The following UBOX5 variants were observed in gnomAD, a reference collection of about 807,000 sequenced individuals.
UBOX5 encodes RING finger protein 37.
UBOX5 carries 28 observed loss-of-function variants against 39.0 expected under a neutral mutation model. That is an observed-to-expected ratio of 0.72 (90% confidence interval 0.53 to 0.98). The LOEUF is 0.98. Ranked by LOEUF, UBOX5 falls within the 50% of genes least tolerant of loss-of-function variation. The pLI, the probability that UBOX5 is intolerant of heterozygous loss-of-function variation, is 0.00. For synonymous variants in UBOX5, 283 were observed against 275.5 expected (o/e 1.03, Z -0.27); for missense variants, 585 against 674.4 (o/e 0.87, Z 1.47).
intron 1 of UBOX5, chr20:3,147,739 T>C: frequency 6.2e-7 from 1 of 1,614,222 alleles, no homozygotes; most frequent in South Asian, 1.1e-5. Flanking sequence ...CTGCATTGGG[T>C]GGCTTATAAT....
At chr20:3,141,830 T>C (rs1386694136) in intron 1 of UBOX5, among the ~76,000 whole-genome samples, 5 of 151,826 alleles carry the variant, frequency 3.3e-5, no homozygotes, top group Admixed American at 6.6e-5. Flanking sequence ...CTTGGCAACA[T>C]AGAAAGACTC....
rs1002746966 is a variant in UBOX5 at position 3,149,019 on chromosome 20, T to G, written c.-42+10747A>C. The G allele has an allele frequency of 1.9e-6, 3 of 1,613,804 alleles. No homozygotes were observed. The highest frequency in any genetic ancestry group is 2.5e-6 in the Non-Finnish European group (3 of 1,179,946). On this transcript the variant is annotated intron_variant, in intron 1 of 4. Coordinates refer to ENST00000217173, the MANE Select transcript of UBOX5 (RefSeq NM_014948.4). The surrounding 1 kb of genome is among the most constrained non-coding windows in gnomAD (Gnocchi z 4.1). ...CGGACTGCACCAAAGGCAGAAGGACTGCAAAATGCTCGGTATCTTACAAGT... is the reference window on the plus strand; with the variant it reads ...CGGACTGCACCAAAGGCAGAAGGACGGCAAAATGCTCGGTATCTTACAAGT...
intron 1 of UBOX5, among the ~76,000 whole-genome samples, chr20:3,139,287 GC>G (rs1452295470): frequency 6.6e-6 from 1 of 152,166 alleles, no homozygotes; most frequent in Admixed American, 6.5e-5. Context: ...CCCCAAAGAA[GC>G]CTGCAGTTTT....
At chr20:3,132,456 ACTC>A (rs2066437023) in intron 1 of UBOX5, among the ~76,000 whole-genome samples, 2 of 152,158 alleles carry the variant, frequency 1.3e-5, no homozygotes, top group African/African-American at 2.4e-5. Flanking sequence ...CATTAATAAT[ACTC>A]AATTTTTAGG....
intron 1 of UBOX5, chr20:3,136,027 T>A (rs2066469160): frequency 6.6e-6 from 1 of 152,168 alleles, no homozygotes; most frequent in Non-Finnish European, 1.5e-5. Context: ...TCTGAACCAC[T>A]TAGAGGCAAT....
intron 1 of UBOX5, among the ~76,000 whole-genome samples, chr20:3,153,420 T>C (rs758594194): frequency 1.3e-5 from 2 of 152,236 alleles, no homozygotes; most frequent in Middle Eastern, 3.2e-3. Context: ...ATAACATCTC[T>C]GTAATGTAAG....
Position 3,142,787 on chromosome 20 carries a change from A to G in UBOX5, c.-42+16979T>C, listed in dbSNP as rs527372667. ...AACTCTGTCTCAAAAAAAAAAAAAAAAAAAAGAAAAGTATGTGTATATACC... is the reference window on the plus strand; with the variant it reads ...AACTCTGTCTCAAAAAAAAAAAAAAGAAAAAGAAAAGTATGTGTATATACC... On this transcript the variant is annotated intron_variant, in intron 1 of 4. Coordinates refer to ENST00000217173, the MANE Select transcript of UBOX5 (RefSeq NM_014948.4). Among the ~76,000 whole-genome samples the G allele has an allele frequency of 4.7e-3, 706 of 150,862 alleles. 2 individuals carry two copies. Among genetic ancestry groups the G allele is most frequent in the Non-Finnish European group, 7.2e-3 (489 of 67,648 alleles).
intron 2 of UBOX5, among the ~76,000 whole-genome samples, chr20:3,122,804 CTGGGCATGT>C (rs564751998): frequency 1.6e-3 from 238 of 152,202 alleles, no homozygotes; most frequent in African/African-American, 5.5e-3. Flanking sequence ...AGCAACTGAG[CTGGGCATGT>C]TGGTACACAC....
At chr20:3,110,456 A>G (rs957401854) in intron 4 of UBOX5, 142 bp from the exon 5 acceptor site, 5 of 962,258 alleles carry the variant, frequency 5.2e-6, no homozygotes, top group Non-Finnish European at 6.3e-6. Flanking sequence ...CTGATCAGGT[A>G]GGGGAGTGGA....
At chr20:3,110,475 A>G (rs2066245211) in intron 4 of UBOX5, 161 bp from the exon 5 acceptor site, 2 of 770,240 alleles carry the variant, frequency 2.6e-6, no homozygotes, top group Non-Finnish European at 4.2e-6. Flanking sequence ...GAAGCGGGAG[A>G]GGGAGCCTGG....
At chr20:3,154,192 A>C (rs2066661393) in intron 1 of UBOX5, among the ~76,000 whole-genome samples, 1 of 152,226 alleles carries the variant, frequency 6.6e-6, no homozygotes, top group Admixed American at 6.5e-5. Flanking sequence ...AGATCCCAGG[A>C]CAAGAGCTGT....
intron 4 of UBOX5, among the ~76,000 whole-genome samples, chr20:3,112,490 C>T (rs894268622): frequency 6.6e-6 from 1 of 150,520 alleles, no homozygotes; most frequent in Non-Finnish European, 1.5e-5. Context: ...AGGATGGAAA[C>T]CCAAGTATAT....
chr20:3,141,342 A>G (rs952828628), intron 1 of UBOX5, among the ~76,000 whole-genome samples: 2 of 152,170 alleles, frequency 1.3e-5, no homozygotes, highest in African/African-American at 4.8e-5. Flanking sequence ...CAATCAGCAA[A>G]CTAGGAATAA....
intron 1 of UBOX5, among the ~76,000 whole-genome samples, chr20:3,155,586 T>C (rs977336508): frequency 6.6e-6 from 1 of 152,094 alleles, no homozygotes; most frequent in Admixed American, 6.5e-5. Context: ...CAAGCTCTAC[T>C]GAACTATTTG....
rs758986455 is a variant in UBOX5 at position 3,121,357 on chromosome 20, G to A, written c.1255+27C>T. ...TCCTGGGAAGGAGATGGATGAGCCT[G>A]GCTGCGGACACAGGATGCTGAATTA... On this transcript the variant is annotated intron_variant, in intron 3 of 4. Coordinates refer to ENST00000217173, the MANE Select transcript of UBOX5 (RefSeq NM_014948.4). 6.9e-6 allele frequency: 11 copies of A among 1,583,978 alleles called. No homozygotes were observed. The Admixed American group carries it at 1.6e-4, about 23-fold the overall frequency.
intron 1 of UBOX5, among the ~76,000 whole-genome samples, chr20:3,132,365 C>T (rs2066436209): frequency 6.6e-6 from 1 of 151,870 alleles, no homozygotes; most frequent in African/African-American, 2.4e-5. Flanking sequence ...AAAGAATGAA[C>T]CTTAAATTAT....
chr20:3,135,523 A>T (rs1174440032), intron 1 of UBOX5, among the ~76,000 whole-genome samples: 10 of 152,120 alleles, frequency 6.6e-5, no homozygotes, highest in Non-Finnish European at 1.2e-4. Flanking sequence ...GTCATGCCAA[A>T]AAGTTTAGAC....
At chr20:3,138,988 AAAG>A (rs761095043) in intron 1 of UBOX5, among the ~76,000 whole-genome samples, 80 of 152,334 alleles carry the variant, frequency 5.3e-4, no homozygotes, top group African/African-American at 3.1e-4. Context: ...AAGGGAAAAA[AAAG>A]AAGAAGAAAA....
intron 1 of UBOX5, among the ~76,000 whole-genome samples, chr20:3,141,693 A>C (rs1012213348): frequency 5.9e-5 from 9 of 151,902 alleles, no homozygotes; most frequent in African/African-American, 2.2e-4. Context: ...TCAACATGAT[A>C]AAAGGTTTAT....
Sources: gnomAD v4.1 joint callset for allele counts (sites outside exome capture counted in the v4.1 genomes callset) on GRCh38, gnomAD v4.1.1 for gene constraint, Gnocchi (gnomAD v3.1) non-coding constraint, MANE v1.5 for transcripts, NCBI Gene and HGNC (gene_info 2026-07-23, HGNC 2026-07-21) for gene names.